PIK3R5: variants seen among roughly 807,000 people sequenced by gnomAD.
PIK3R5 encodes phosphoinositide 3-kinase regulatory subunit 5.
A neutral mutation model predicts 94.9 loss-of-function variants in PIK3R5; 32 were observed. That is an observed-to-expected ratio of 0.34 (90% CI 0.25 to 0.45). The LOEUF (loss-of-function observed/expected upper bound fraction) is 0.45. Ranked by LOEUF, PIK3R5 falls within the 20% of genes least tolerant of loss-of-function variation. The probability of loss-of-function intolerance (pLI) is 1.00; values close to 1 mark genes in which losing one functional copy is unlikely to be tolerated. For missense variants in PIK3R5, 853 were observed against 1,144.6 expected (o/e 0.75, Z 3.68); for synonymous variants, 443 against 479.4 (o/e 0.92, Z 0.99).
At chr17:8,949,606 A>C (rs61159427) in intron 1 of PIK3R5, among the ~76,000 whole-genome samples, 102,370 of 152,106 alleles carry the variant, frequency 0.67, 37,158 homozygotes, top group Non-Finnish European at 0.82. Context: ...CTGTAATGGC[A>C]TTTGCAGCAA....
At chr17:8,887,458 C>T (rs1048961908) in intron 11 of PIK3R5, 63 bp downstream of exon 11, 18 of 1,510,156 alleles carry the variant, frequency 1.2e-5, no homozygotes, top group East Asian at 4.8e-5. Flanking sequence ...GACTTCCAAT[C>T]GGCTTCCTTC....
At chr17:8,913,573 G>C (rs554958570) in intron 1 of PIK3R5, among the ~76,000 whole-genome samples, 1 of 152,190 alleles carries the variant, frequency 6.6e-6, no homozygotes, top group Admixed American at 6.5e-5. Context: ...TTAGCCAGGC[G>C]TGGTGGCAGG....
In PIK3R5 at chr17:8,892,793, G is replaced by A. The variant is rs768947338; in HGVS notation, c.482+793C>T. 1.1e-4 allele frequency among the ~76,000 whole-genome samples: 17 copies of A among 152,270 alleles called. No homozygotes were observed. Among genetic ancestry groups the A allele is most frequent in the Admixed American group, 4.6e-4 (7 of 15,288 alleles). On this transcript the variant is annotated intron_variant, in intron 6 of 18. Coordinates refer to ENST00000447110, the MANE Select transcript of PIK3R5 (RefSeq NM_001142633.3). The surrounding 1 kb of genome is among the most constrained non-coding windows in gnomAD (Gnocchi z 4.3). ...CCTGGGGCTGGGAATGAGGAGGGCC[G>A]GGGGCCTATAATTTCTGAGGTGGTG...
At position 8,909,006 on chromosome 17, in the gene PIK3R5, T is replaced by C; in HGVS notation, c.204+68A>G. The C allele has an allele frequency of 1.0e-6, 1 of 961,620 alleles. No individual in the cohort carries two copies. The highest frequency in any genetic ancestry group is 1.6e-6 in the Non-Finnish European group (1 of 611,898). The allele number at this position is 961,620 out of a possible 1,614,324, so 59.6% of individuals were successfully genotyped here. A position where few individuals can be genotyped will look rare whatever the true frequency, so the allele number is the denominator to read the frequency against. On this transcript the variant is annotated intron_variant, in intron 3 of 18. Coordinates refer to ENST00000447110, the MANE Select transcript of PIK3R5 (RefSeq NM_001142633.3). This position sits in a 1 kb window ranked among gnomAD's most constrained non-coding sequence, Gnocchi z 4.3. ...CCAGGCACCCAGGAATGATGTTCTC[T>C]GGGACCTATTTCTCCACTCTACGAG...
intron 1 of PIK3R5, among the ~76,000 whole-genome samples, chr17:8,912,828 C>A (rs536770840): frequency 1.3e-5 from 2 of 152,342 alleles, no homozygotes; most frequent in South Asian, 2.1e-4. Flanking sequence ...CTGGGAGGCA[C>A]CACTCGCCAA....
intron 1 of PIK3R5, among the ~76,000 whole-genome samples, chr17:8,946,598 GA>G (rs1368786751): frequency 6.6e-6 from 1 of 152,054 alleles, no homozygotes; most frequent in African/African-American, 2.4e-5. Flanking sequence ...ATGAGCACAA[GA>G]TGCTTTGCTG....
intron 1 of PIK3R5, among the ~76,000 whole-genome samples, chr17:8,914,100 T>C (rs1252602748): frequency 6.6e-6 from 1 of 152,082 alleles, no homozygotes; most frequent in East Asian, 1.9e-4. Context: ...CACCTTCACA[T>C]GGATGAGCCT....
At chr17:8,953,758 A>C (rs1429529638) in intron 1 of PIK3R5, among the ~76,000 whole-genome samples, 2 of 152,088 alleles carry the variant, frequency 1.3e-5, no homozygotes, top group Admixed American at 6.6e-5. Context: ...ACCTTCCAAG[A>C]CCTTTCCAGA....
chr17:8,952,905 G>A (rs374993699), intron 1 of PIK3R5, among the ~76,000 whole-genome samples: 8 of 152,116 alleles, frequency 5.3e-5, no homozygotes, highest in South Asian at 4.1e-4. Flanking sequence ...AACTGTGGCC[G>A]TTATCATATG....
chr17:8,918,233 A>G (rs77090288), intron 1 of PIK3R5, among the ~76,000 whole-genome samples: 2,456 of 152,338 alleles, frequency 0.016, 54 homozygotes, highest in African/African-American at 0.056. Context: ...ATTTTCCAAT[A>G]AAAGGAAACA....
chr17:8,901,218 G>A (rs1353719633), intron 5 of PIK3R5, among the ~76,000 whole-genome samples: 1 of 152,112 alleles, frequency 6.6e-6, no homozygotes, highest in African/African-American at 2.4e-5. Context: ...CCTTTCCTTG[G>A]GAAGCTGGGT....
At position 8,959,167 on chromosome 17, in the gene PIK3R5, C is replaced by T. The variant is rs146710126; in HGVS notation, c.-14+6429G>A. Among the ~76,000 whole-genome samples the T allele has an allele frequency of 9.9e-5, 15 of 152,282 alleles. No individual in the cohort carries two copies. In the East Asian group the frequency reaches 1.7e-3, roughly 18 times the overall value. ...TGCAGTCATGAGATGGCCCCCAGCA[C>T]GCCGCTTCAGGGTTCTCACCAGTGA... On this transcript the variant is annotated intron_variant, in intron 1 of 18. Transcript: ENST00000447110.
Position 8,925,645 on chromosome 17 carries a change from T to A in PIK3R5, c.-13-14138A>T, listed in dbSNP as rs2090870178. On this transcript the variant is annotated intron_variant, in intron 1 of 18. Coordinates refer to ENST00000447110, the MANE Select transcript of PIK3R5 (RefSeq NM_001142633.3). The surrounding 1 kb of genome is among the most constrained non-coding windows in gnomAD (Gnocchi z 5.1). ...GCCAGAATGAGGGATTGACATTATG[T>A]CTAAATCAGATGGAAATGGATTAAG... is the stretch of plus-strand genomic sequence containing the variant. Among the ~76,000 whole-genome samples the A allele has an allele frequency of 6.6e-6, 1 of 152,204 alleles. No individual in the cohort carries two copies. Among genetic ancestry groups the A allele is most frequent in the African/African-American group, 2.4e-5 (1 of 41,454 alleles).
intron 1 of PIK3R5, among the ~76,000 whole-genome samples, chr17:8,929,695 A>T (rs1657590243): frequency 6.6e-6 from 1 of 152,222 alleles, no homozygotes; most frequent in Admixed American, 6.5e-5. Flanking sequence ...TATCTCAAGG[A>T]AATTAAGGCA....
At chr17:8,944,696 G>T (rs2091244077) in intron 1 of PIK3R5, among the ~76,000 whole-genome samples, 1 of 152,114 alleles carries the variant, frequency 6.6e-6, no homozygotes, top group Admixed American at 6.5e-5. Flanking sequence ...GGCTTCAAAG[G>T]CACCTGGCTA....
chr17:8,932,252 G>A (rs920886053), intron 1 of PIK3R5, among the ~76,000 whole-genome samples: 2 of 150,696 alleles, frequency 1.3e-5, no homozygotes, highest in African/African-American at 4.9e-5. Flanking sequence ...TTTTATTTTT[G>A]AGACAGAGTC....
At chr17:8,951,692 G>C (rs1240224265) in intron 1 of PIK3R5, among the ~76,000 whole-genome samples, 1 of 152,152 alleles carries the variant, frequency 6.6e-6, no homozygotes, top group Non-Finnish European at 1.5e-5. Context: ...GTAGCATGCT[G>C]TTTTTTATTA....
intron 1 of PIK3R5, among the ~76,000 whole-genome samples, chr17:8,934,980 C>A (rs1234430683): frequency 6.6e-6 from 1 of 152,202 alleles, no homozygotes; most frequent in Admixed American, 6.5e-5. Flanking sequence ...CTTCTTCCTG[C>A]ATGTGCTGCC....
chr17:8,943,751 T>C (rs1283389792), intron 1 of PIK3R5, among the ~76,000 whole-genome samples: 1 of 151,988 alleles, frequency 6.6e-6, no homozygotes, highest in African/African-American at 2.4e-5. Context: ...CCAGCCTGAG[T>C]GACAGAGCAA....
Sources: allele counts gnomAD v4.1 joint callset (sites outside exome capture counted in the v4.1 genomes callset), GRCh38; gene constraint gnomAD v4.1.1; non-coding constraint Gnocchi (gnomAD v3.1); transcripts MANE v1.5; gene names NCBI Gene and HGNC (gene_info 2026-07-23, HGNC 2026-07-21).